Variants in CPEB4 observed in about 807,000 individuals in gnomAD.
CPEB4 encodes cytoplasmic polyadenylation element-binding protein 4.
CPEB4 carries 12 observed loss-of-function variants against 72.5 expected under a neutral mutation model. That is an observed-to-expected ratio of 0.17 (90% confidence interval 0.11 to 0.27). The LOEUF is 0.27. CPEB4 is among the 10% of genes least tolerant of loss of function. The pLI is 1.00. For synonymous variants in CPEB4, 302 were observed against 326.3 expected (o/e 0.93, Z 0.80); for missense variants, 614 against 908.5 (o/e 0.68, Z 4.17).
intron 2 of CPEB4, among the ~76,000 whole-genome samples, chr5:173,923,981 C>T (rs1179916911): frequency 6.6e-6 from 1 of 152,102 alleles, no homozygotes; most frequent in Non-Finnish European, 1.5e-5. Context: ...TTACTAGTTT[C>T]TCTCTGGACA....
chr5:173,910,483 G>A (rs777870361), intron 1 of CPEB4, 40 bp from the exon 2 acceptor site: 9 of 1,355,390 alleles, frequency 6.6e-6, no homozygotes, highest in East Asian at 2.3e-5. Flanking sequence ...ATATTTAAAT[G>A]CTATTTTAAA....
At chr5:173,946,187 A>G (rs955732607) in intron 5 of CPEB4, among the ~76,000 whole-genome samples, 3 of 152,026 alleles carry the variant, frequency 2.0e-5, no homozygotes, top group African/African-American at 7.2e-5. Context: ...ATAAACATAG[A>G]GGTTTTTGCT....
intron 2 of CPEB4, among the ~76,000 whole-genome samples, chr5:173,923,921 GCTTTACT>G (rs1757156487): frequency 6.6e-6 from 1 of 152,022 alleles, no homozygotes. Context: ...TTTGTTGTTA[GCTTTACT>G]GGCAGTAGGA....
At chr5:173,924,453 CTTTTCCAAGG>C (rs1757175088) in intron 2 of CPEB4, among the ~76,000 whole-genome samples, 1 of 152,160 alleles carries the variant, frequency 6.6e-6, no homozygotes, top group South Asian at 2.1e-4. Context: ...TTGCCCCTCC[CTTTTCCAAGG>C]TTCCAGTTTG....
At chr5:173,929,159 T>A (rs111622444) in intron 2 of CPEB4, among the ~76,000 whole-genome samples, 9 of 152,202 alleles carry the variant, frequency 5.9e-5, no homozygotes, top group Non-Finnish European at 1.2e-4. Context: ...CTGTAACTTA[T>A]AAGGCCAAGG....
At position 173,956,322 on chromosome 5, in the gene CPEB4, A is replaced by G; in HGVS notation, c.*185A>G. ...GTAGATTCTTGTGTCACTGCAAACA[A>G]TATGAACTCCTTTTTCGTATTGCCA... is the stretch of plus-strand genomic sequence containing the variant. On this transcript the variant is annotated 3_prime_UTR_variant, in exon 10 of 10. Transcript: ENST00000265085. 1 of 516,190 alleles carries G rather than the reference A, an allele frequency of 1.9e-6. No homozygotes were observed. Among genetic ancestry groups the G allele is most frequent in the Non-Finnish European group, 3.4e-6 (1 of 291,270 alleles). 32.0% of individuals were successfully genotyped at this position (516,190 alleles called of 1,614,324 possible). A position where few individuals can be genotyped will look rare whatever the true frequency, so the allele number is the denominator to read the frequency against.
At chr5:173,893,140 T>C (rs2113118824) in intron 1 of CPEB4, 1 of 152,228 alleles carries the variant, frequency 6.6e-6, no homozygotes, top group African/African-American at 2.4e-5. Flanking sequence ...AAAAAATCTC[T>C]ATGACAAGAA....
At position 173,890,239 on chromosome 5, in the gene CPEB4, G is replaced by C; in HGVS notation, c.506G>C (p.Ser169Thr). The C allele has an allele frequency of 6.2e-7, 1 of 1,614,114 alleles. No homozygotes were observed. Among genetic ancestry groups the C allele is most frequent in the African/African-American group, 1.3e-5 (1 of 75,052 alleles). The change falls in exon 1 of 10, where the codon AGT becomes ACT. Residue 169 changes from serine to threonine, a missense_variant. Ser to Thr is a moderately conservative substitution (Grantham distance 58). This residue lies in a region of CPEB4 where 458 missense variants were observed against 548.6 expected (regional missense o/e 0.83). Transcript: ENST00000265085. Reference protein sequence around the residue: ...TSSASSLTGFSNWSAAIAPSS... With the variant: ...TSSASSLTGFTNWSAAIAPSS... ...AGCGCATCGTCTCTTACTGGTTTCAGTAACTGGTCAGCAGCGATAGCGCCT... is the reference window on the plus strand; with the variant it reads ...AGCGCATCGTCTCTTACTGGTTTCACTAACTGGTCAGCAGCGATAGCGCCT...
intron 2 of CPEB4, among the ~76,000 whole-genome samples, chr5:173,926,696 G>A (rs1757254009): frequency 6.6e-6 from 1 of 152,194 alleles, no homozygotes; most frequent in Non-Finnish European, 1.5e-5. Flanking sequence ...CTGCTGACCA[G>A]GCAGTATTTT....
chr5:173,953,001 A>C (rs1758260938), intron 8 of CPEB4, 90 bp from the exon 9 acceptor site: 4 of 931,872 alleles, frequency 4.3e-6, no homozygotes, highest in Non-Finnish European at 6.5e-6. Flanking sequence ...GTGAGCTCAG[A>C]GTACAGATGA....
Position 173,949,411 on chromosome 5 carries a change from GT to G in CPEB4, c.1457-95del, listed in dbSNP as rs1264690722. The G allele has an allele frequency of 2.6e-5, 22 of 850,154 alleles. No homozygotes were observed. The East Asian group carries it at 5.3e-4, about 21-fold the overall frequency. 52.7% of individuals were successfully genotyped at this position (850,154 alleles called of 1,614,324 possible). Reference sequence around the variant, plus strand: ...AGGGGATAAAGGAGTTCTTTTTACTGTTCTTGTAAATAGTAGATTTGAAACT... The same window carrying G: ...AGGGGATAAAGGAGTTCTTTTTACTGTCTTGTAAATAGTAGATTTGAAACT... On this transcript the variant is annotated intron_variant, in intron 5 of 9. Coordinates refer to ENST00000265085, the MANE Select transcript of CPEB4 (RefSeq NM_030627.4).
Position 173,950,189 on chromosome 5 carries a change from TG to T in CPEB4, c.1665+112del, listed in dbSNP as rs1758168201. ...GTTTGGGGTACTTAATTGACATGTTTGTAAGCAGACTAAGTAGTCTTGTTGT... is the reference window on the plus strand; with the variant it reads ...GTTTGGGGTACTTAATTGACATGTTTTAAGCAGACTAAGTAGTCTTGTTGT... On this transcript the variant is annotated intron_variant, in intron 7 of 9. Transcript: ENST00000265085. The surrounding 1 kb of genome is among the most constrained non-coding windows in gnomAD (Gnocchi z 5.0). 1.6e-6 allele frequency: 1 copy of T among 621,356 alleles called. No individual in the cohort carries two copies. The highest frequency in any genetic ancestry group is 2.9e-5 in the East Asian group (1 of 34,334). The allele number at this position is 621,356 out of a possible 1,614,324, so 38.5% of individuals were successfully genotyped here.
intron 1 of CPEB4, chr5:173,893,154 C>T (rs554938883): frequency 2.0e-5 from 3 of 152,110 alleles, no homozygotes; most frequent in African/African-American, 4.8e-5. Flanking sequence ...ACAAGAAACT[C>T]CTAATTGGGT....
chr5:173,917,135 CTTAT>C (rs949871240), intron 2 of CPEB4, among the ~76,000 whole-genome samples: 8 of 151,978 alleles, frequency 5.3e-5, no homozygotes, highest in Non-Finnish European at 1.2e-4. Context: ...AATTTTGTCA[CTTAT>C]TTATTTCATA....
intron 1 of CPEB4, among the ~76,000 whole-genome samples, chr5:173,898,222 T>C (rs1756095689): frequency 6.6e-6 from 1 of 152,298 alleles, no homozygotes; most frequent in Admixed American, 6.5e-5. Flanking sequence ...ATTTAAATAA[T>C]AGTTCTTCCA....
At chr5:173,915,422 G>A (rs1281064306) in intron 2 of CPEB4, among the ~76,000 whole-genome samples, 1 of 152,066 alleles carries the variant, frequency 6.6e-6, no homozygotes, top group Non-Finnish European at 1.5e-5. Flanking sequence ...TTATCTCCCT[G>A]TCCTTTCTCT....
Position 173,951,817 on chromosome 5 carries a change from T to A in CPEB4, c.1666-7T>A, listed in dbSNP as rs764868749. The A allele has an allele frequency of 3.2e-6, 5 of 1,585,574 alleles. No individual in the cohort carries two copies. The highest frequency in any genetic ancestry group is 4.3e-6 in the Non-Finnish European group (5 of 1,154,036). On this transcript the variant is annotated splice_region_variant and splice_polypyrimidine_tract_variant and intron_variant, in intron 7 of 9. Coordinates refer to ENST00000265085, the MANE Select transcript of CPEB4 (RefSeq NM_030627.4). Reference sequence around the variant, plus strand: ...GAATGAGACATTTTGGTTTGTACATTCCCTAGGTCCAGATTCGGCCTTGGA... The same window carrying A: ...GAATGAGACATTTTGGTTTGTACATACCCTAGGTCCAGATTCGGCCTTGGA...
intron 2 of CPEB4, 80 bp from the exon 3 acceptor site, chr5:173,932,370 T>C: frequency 9.5e-7 from 1 of 1,047,484 alleles, no homozygotes; most frequent in Non-Finnish European, 1.4e-6. Flanking sequence ...TGAAAGCAAG[T>C]CAATTCAGCT....
intron 9 of CPEB4, among the ~76,000 whole-genome samples, chr5:173,954,418 G>A (rs568748435): frequency 6.6e-6 from 1 of 152,268 alleles, no homozygotes; most frequent in South Asian, 2.1e-4. Context: ...CGTCACCCAG[G>A]CTGGAGTGCA....
Sources: allele counts gnomAD v4.1 joint callset (sites outside exome capture counted in the v4.1 genomes callset), GRCh38; gene constraint gnomAD v4.1.1; regional missense constraint gnomAD v4.1.1; non-coding constraint Gnocchi (gnomAD v3.1); transcripts MANE v1.5; gene names NCBI Gene and HGNC (gene_info 2026-07-23, HGNC 2026-07-21).